Variants in FBXL17 observed in about 807,000 individuals in gnomAD.
FBXL17 encodes F-box/LRR-repeat protein 17.
In FBXL17, 22 loss-of-function variants were observed where a neutral mutation model predicts 66.2. That is an observed-to-expected ratio of 0.33 (90% CI 0.24 to 0.47). FBXL17 has a LOEUF of 0.47. FBXL17 is among the 20% of genes least tolerant of loss of function. The pLI, the probability that FBXL17 is intolerant of heterozygous loss-of-function variation, is 1.00. For synonymous variants in FBXL17, 474 were observed against 400.5 expected (o/e 1.18, Z -2.19); for missense variants, 878 against 948.2 (o/e 0.93, Z 0.97).
intron 6 of FBXL17, among the ~76,000 whole-genome samples, chr5:108,141,979 G>C (rs186745443): frequency 1.1e-4 from 17 of 152,294 alleles, no homozygotes; most frequent in Admixed American, 9.8e-4. Flanking sequence ...CTCACTCTCT[G>C]TGTTTTAATT....
chr5:108,326,057 A>G (rs1367361662), intron 4 of FBXL17, among the ~76,000 whole-genome samples: 1 of 152,116 alleles, frequency 6.6e-6, no homozygotes, highest in African/African-American at 2.4e-5. Flanking sequence ...TGATAAACAA[A>G]CAATAACAGA....
intron 6 of FBXL17, among the ~76,000 whole-genome samples, chr5:108,059,361 A>G (rs908917360): frequency 6.6e-6 from 1 of 152,186 alleles, no homozygotes; most frequent in East Asian, 1.9e-4. Context: ...ATCTCTTTCC[A>G]TTAACATATG....
At chr5:107,940,749 A>T (rs2112588931) in intron 7 of FBXL17, among the ~76,000 whole-genome samples, 1 of 152,242 alleles carries the variant, frequency 6.6e-6, no homozygotes, top group East Asian at 1.9e-4. Context: ...AAAGGTTTTA[A>T]ACTAATACAC....
intron 7 of FBXL17, among the ~76,000 whole-genome samples, chr5:107,920,319 C>T (rs1750269903): frequency 6.6e-6 from 1 of 152,138 alleles, no homozygotes; most frequent in Admixed American, 6.5e-5. Flanking sequence ...ATTCTCCTAC[C>T]ACAGACTCCT....
At chr5:108,159,535 C>T (rs1752127763) in intron 6 of FBXL17, among the ~76,000 whole-genome samples, 1 of 152,146 alleles carries the variant, frequency 6.6e-6, no homozygotes, top group Non-Finnish European at 1.5e-5. Context: ...CCTTCCTCTA[C>T]TATGTGAGGA....
chr5:107,923,135 G>T (rs1258065201), intron 7 of FBXL17, among the ~76,000 whole-genome samples: 2 of 152,176 alleles, frequency 1.3e-5, no homozygotes, highest in Non-Finnish European at 2.9e-5. Flanking sequence ...CCAGTATGTT[G>T]TGGGGAGGAG....
intron 5 of FBXL17, among the ~76,000 whole-genome samples, chr5:108,218,159 C>T (rs2150069127): frequency 6.6e-6 from 1 of 151,740 alleles, no homozygotes; most frequent in Non-Finnish European, 1.5e-5. Context: ...GCGCCTGCTA[C>T]CACGCCCATC....
At chr5:107,972,143 G>A (rs1346919998) in intron 7 of FBXL17, among the ~76,000 whole-genome samples, 1 of 152,190 alleles carries the variant, frequency 6.6e-6, no homozygotes, top group East Asian at 1.9e-4. Context: ...TGTGCACAGT[G>A]CTTTGCACAG....
At chr5:108,071,511 T>G (rs774000393) in intron 6 of FBXL17, among the ~76,000 whole-genome samples, 2 of 152,190 alleles carry the variant, frequency 1.3e-5, no homozygotes, top group Non-Finnish European at 2.9e-5. Flanking sequence ...CAGATCTAAG[T>G]TGACAACCAA....
chr5:108,263,592 A>G (rs1561494848), intron 4 of FBXL17, among the ~76,000 whole-genome samples: 1 of 152,226 alleles, frequency 6.6e-6, no homozygotes, highest in Non-Finnish European at 1.5e-5. Context: ...TTATAAATAC[A>G]GTCAAGAAAC....
rs142791886 is a variant in FBXL17 at position 108,154,238 on chromosome 5, T to C, written c.1745+31879A>G. Among the ~76,000 whole-genome samples, 115 of 120,000 alleles carry C rather than the reference T, an allele frequency of 9.6e-4. 1 individual carries two copies. In the East Asian group the frequency reaches 0.026, roughly 27 times the overall value. The allele number at this position is 120,000 out of a possible 152,430, so 78.7% of individuals were successfully genotyped here. ...GGATATTACAGAAAACAGAGACACG[T>C]AAATTCAGAGGAGGAAAAAAAGAAA... is the stretch of plus-strand genomic sequence containing the variant. On this transcript the variant is annotated intron_variant, in intron 6 of 8. Coordinates refer to ENST00000542267, the MANE Select transcript of FBXL17 (RefSeq NM_001163315.3).
intron 5 of FBXL17, among the ~76,000 whole-genome samples, chr5:108,212,888 T>C (rs765336115): frequency 1.4e-4 from 21 of 152,164 alleles, no homozygotes; most frequent in Non-Finnish European, 2.9e-4. Context: ...GGCAGGAACA[T>C]TTAAGTCTGC....
At chr5:107,908,167 T>G (rs1749826443) in intron 7 of FBXL17, among the ~76,000 whole-genome samples, 1 of 152,116 alleles carries the variant, frequency 6.6e-6, no homozygotes, top group Non-Finnish European at 1.5e-5. Context: ...AAATTGGAAA[T>G]CATCATTCTC....
intron 6 of FBXL17, among the ~76,000 whole-genome samples, chr5:108,049,220 G>A (rs1271125696): frequency 1.3e-5 from 2 of 151,706 alleles, no homozygotes; most frequent in Non-Finnish European, 2.9e-5. Context: ...TCGACTCACT[G>A]CAACCTCTGC....
chr5:108,264,241 A>AAAAAC (rs1756956109), intron 4 of FBXL17, among the ~76,000 whole-genome samples: 1 of 149,794 alleles, frequency 6.7e-6, no homozygotes, highest in Non-Finnish European at 1.5e-5. Flanking sequence ...AAAAAAAAAA[A>AAAAAC]TCTCTACTTT....
intron 6 of FBXL17, among the ~76,000 whole-genome samples, chr5:108,025,727 GCACACACA>G (rs34719664): frequency 2.8e-4 from 39 of 141,244 alleles, no homozygotes; most frequent in African/African-American, 7.2e-4. Flanking sequence ...ACGCGCGCGC[GCACACACA>G]CACACACACA....
chr5:108,104,809 T>A (rs1749729832), intron 6 of FBXL17, among the ~76,000 whole-genome samples: 1 of 152,190 alleles, frequency 6.6e-6, no homozygotes, highest in Non-Finnish European at 1.5e-5. Context: ...CATAGAGTAC[T>A]TTGGGGAGTA....
At chr5:107,868,942 T>C (rs1269765329) in intron 8 of FBXL17, among the ~76,000 whole-genome samples, 1 of 152,122 alleles carries the variant, frequency 6.6e-6, no homozygotes, top group African/African-American at 2.4e-5. Flanking sequence ...TCCCACCCCA[T>C]CCAACAAACT....
chr5:108,286,152 A>C (rs1248451070), intron 4 of FBXL17, among the ~76,000 whole-genome samples: 1 of 152,050 alleles, frequency 6.6e-6, no homozygotes, highest in Non-Finnish European at 1.5e-5. Context: ...CAAAATAATA[A>C]GACCCATCTA....
Sources: gnomAD v4.1 joint callset for allele counts (sites outside exome capture counted in the v4.1 genomes callset) on GRCh38, gnomAD v4.1.1 for gene constraint, MANE v1.5 for transcripts, NCBI Gene and HGNC (gene_info 2026-07-23, HGNC 2026-07-21) for gene names.